Variants in PRKCB observed in about 807,000 individuals in gnomAD.
The protein encoded by PRKCB is protein kinase C beta type.
In PRKCB, 13 loss-of-function variants were observed where a neutral mutation model predicts 81.5. The observed-to-expected ratio is 0.16, with a 90% CI of 0.10 to 0.25. The LOEUF (loss-of-function observed/expected upper bound fraction) is 0.25, where lower values mean the gene tolerates loss of function less well. Ranked by LOEUF, PRKCB falls within the 10% of genes least tolerant of loss-of-function variation. The pLI is 1.00. For missense variants in PRKCB, 509 were observed against 875.7 expected (o/e 0.58, Z 5.29); for synonymous variants, 335 against 321.4 (o/e 1.04, Z -0.45).
At chr16:24,054,515 T>TA (rs1405774488) in intron 5 of PRKCB, among the ~76,000 whole-genome samples, 3 of 152,234 alleles carry the variant, frequency 2.0e-5, no homozygotes, top group Non-Finnish European at 4.4e-5. Flanking sequence ...TTTGTCTTAA[T>TA]ATGGAGATCT....
At chr16:23,991,351 T>A (rs1177339876) in intron 3 of PRKCB, among the ~76,000 whole-genome samples, 1 of 152,234 alleles carries the variant, frequency 6.6e-6, no homozygotes, top group Admixed American at 6.5e-5. Flanking sequence ...AGACTGTTTG[T>A]CATGTTCTCT....
intron 2 of PRKCB, among the ~76,000 whole-genome samples, chr16:23,906,698 G>C (rs1384608191): frequency 6.6e-6 from 1 of 152,060 alleles, no homozygotes; most frequent in Non-Finnish European, 1.5e-5. Flanking sequence ...TTTTAGGAGG[G>C]AGGTGAGGAT....
chr16:24,201,647 G>T (rs1212033028), intron 16 of PRKCB, among the ~76,000 whole-genome samples: 4 of 152,128 alleles, frequency 2.6e-5, no homozygotes, highest in Admixed American at 6.5e-5. Flanking sequence ...CAGAGAGCTG[G>T]ATCTAATCCA....
At chr16:23,954,007 T>A (rs1008104606) in intron 2 of PRKCB, among the ~76,000 whole-genome samples, 3 of 152,066 alleles carry the variant, frequency 2.0e-5, no homozygotes, top group Non-Finnish European at 4.4e-5. Context: ...TAGCTGAGAT[T>A]ACAGGCACCC....
chr16:23,854,122 A>G (rs1476653492), intron 2 of PRKCB, among the ~76,000 whole-genome samples: 2 of 151,536 alleles, frequency 1.3e-5, no homozygotes, highest in Non-Finnish European at 2.9e-5. Flanking sequence ...GGTCCTTCTC[A>G]TGACACATGG....
intron 3 of PRKCB, among the ~76,000 whole-genome samples, chr16:24,017,921 CAG>C (rs372967592): frequency 0.028 from 3,416 of 124,054 alleles, 50 homozygotes; most frequent in Middle Eastern, 0.075. Context: ...TTTTTTTAGA[CAG>C]AGTCTCGCTC....
chr16:24,193,902 A>C (rs1471990895), intron 16 of PRKCB, among the ~76,000 whole-genome samples: 1 of 152,172 alleles, frequency 6.6e-6, no homozygotes, highest in Admixed American at 6.5e-5. Context: ...TTGGGGCTAG[A>C]ACTCGGTGCT....
At chr16:24,178,625 G>C (rs189223671) in intron 12 of PRKCB, among the ~76,000 whole-genome samples, 1 of 152,212 alleles carries the variant, frequency 6.6e-6, no homozygotes, top group Admixed American at 6.5e-5. Context: ...GGTTTTCTGA[G>C]TTCCAAACTT....
chr16:23,907,730 G>T (rs1963582481), intron 2 of PRKCB, among the ~76,000 whole-genome samples: 4 of 152,174 alleles, frequency 2.6e-5, no homozygotes, highest in Admixed American at 2.6e-4. Context: ...GGTCTGTGGG[G>T]AAAGGGTGGA....
At chr16:24,024,928 A>G (rs1965455843) in intron 3 of PRKCB, among the ~76,000 whole-genome samples, 1 of 152,182 alleles carries the variant, frequency 6.6e-6, no homozygotes, top group African/African-American at 2.4e-5. Flanking sequence ...TTCAGGTAGC[A>G]GGAAGGAGGA....
At chr16:23,900,376 C>A (rs898014460) in intron 2 of PRKCB, among the ~76,000 whole-genome samples, 3 of 152,158 alleles carry the variant, frequency 2.0e-5, no homozygotes, top group Non-Finnish European at 4.4e-5. Context: ...TCTTCCTTTC[C>A]TAGGTATTTT....
At chr16:24,075,386 G>T (rs1259252432) in intron 5 of PRKCB, among the ~76,000 whole-genome samples, 1 of 152,192 alleles carries the variant, frequency 6.6e-6, no homozygotes, top group African/African-American at 2.4e-5. Flanking sequence ...AGAGACAGGA[G>T]GAAACCTCAA....
chr16:24,162,936 A>T (rs1273409514), intron 10 of PRKCB, among the ~76,000 whole-genome samples: 1 of 152,160 alleles, frequency 6.6e-6, no homozygotes, highest in Non-Finnish European at 1.5e-5. Flanking sequence ...AGGAGCTAGA[A>T]TCTGTAATCC....
intron 8 of PRKCB, among the ~76,000 whole-genome samples, 170 bp from the exon 9 acceptor site, chr16:24,123,665 C>A (rs1050923972): frequency 2.0e-5 from 3 of 152,124 alleles, no homozygotes; most frequent in African/African-American, 7.2e-5. Flanking sequence ...GATGGAGTTG[C>A]AAAGGATGTC....
chr16:23,935,203 C>T (rs1964041944), intron 2 of PRKCB, among the ~76,000 whole-genome samples: 1 of 152,172 alleles, frequency 6.6e-6, no homozygotes, highest in Admixed American at 6.5e-5. Flanking sequence ...CCTGCCTCTA[C>T]CTCTGTCAGT....
intron 2 of PRKCB, among the ~76,000 whole-genome samples, chr16:23,945,707 T>C (rs560589216): frequency 9.9e-5 from 15 of 151,672 alleles, no homozygotes; most frequent in Non-Finnish European, 1.8e-4. Context: ...AAATGTTTAG[T>C]AGTTGGCTCT....
intron 12 of PRKCB, among the ~76,000 whole-genome samples, chr16:24,177,515 C>A (rs1259901578): frequency 2.6e-5 from 4 of 152,152 alleles, no homozygotes; most frequent in African/African-American, 9.7e-5. Flanking sequence ...CATTTCACAG[C>A]CCACCTGTAG....
intron 2 of PRKCB, among the ~76,000 whole-genome samples, chr16:23,949,536 G>A (rs778507305): frequency 3.9e-5 from 6 of 152,086 alleles, no homozygotes; most frequent in African/African-American, 7.2e-5. Flanking sequence ...ACCTTCTATC[G>A]TTTTATTCTT....
At chr16:24,031,256 A>G (rs1453260810) in intron 3 of PRKCB, among the ~76,000 whole-genome samples, 1 of 152,206 alleles carries the variant, frequency 6.6e-6, no homozygotes, top group Non-Finnish European at 1.5e-5. Flanking sequence ...TGACTTAAAC[A>G]AGGCAGAAAT....
Sources: allele counts gnomAD v4.1 joint callset (sites outside exome capture counted in the v4.1 genomes callset), GRCh38; gene constraint gnomAD v4.1.1; transcripts MANE v1.5; gene names NCBI Gene and HGNC (gene_info 2026-07-23, HGNC 2026-07-21).